The following PHACTR2 variants were observed in gnomAD, a reference collection of about 807,000 sequenced individuals.
The protein encoded by PHACTR2 is phosphatase and actin regulator 2.
In PHACTR2, 30 loss-of-function variants were observed where a neutral mutation model predicts 76.0. That is an observed-to-expected ratio of 0.39 (90% CI 0.30 to 0.54). The LOEUF (loss-of-function observed/expected upper bound fraction) is 0.54. Ranked by LOEUF, PHACTR2 falls within the 20% of genes least tolerant of loss-of-function variation. The pLI is 0.61. For missense variants in PHACTR2, 696 were observed against 781.1 expected (o/e 0.89, Z 1.30); for synonymous variants, 292 against 292.5 (o/e 1.00, Z 0.02).
intron 1 of PHACTR2, among the ~76,000 whole-genome samples, chr6:143,706,856 T>C (rs1778065131): frequency 1.3e-5 from 2 of 152,240 alleles, no homozygotes. Flanking sequence ...CACTTCACCC[T>C]GACCTCATCA....
rs545452722 is a variant in PHACTR2, at chr6:143,646,204, G to A, written c.13+37882G>A. On this transcript the variant is annotated intron_variant, in intron 1 of 11. Coordinates refer to the PHACTR2 transcript ENST00000305766. The surrounding 1 kb of genome is among the most constrained non-coding windows in gnomAD (Gnocchi z 4.1). Reference sequence around the variant, plus strand: ...GAGGTATAAATTAGGCTCAAATGGGGCCCACAAAGAGCCCCAAATCTAGGG... The same window carrying A: ...GAGGTATAAATTAGGCTCAAATGGGACCCACAAAGAGCCCCAAATCTAGGG... 4.2e-4 allele frequency among the ~76,000 whole-genome samples: 64 copies of A among 152,156 alleles called. No individual in the cohort carries two copies. Among genetic ancestry groups the A allele is most frequent in the African/African-American group, 1.4e-3 (57 of 41,512 alleles).
Position 143,822,082 on chromosome 6 carries a change from G to T in PHACTR2, c.1923-1592G>T, listed in dbSNP as rs1269248188. 1.3e-5 allele frequency among the ~76,000 whole-genome samples: 2 copies of T among 152,192 alleles called. No homozygotes were observed. Among genetic ancestry groups the T allele is most frequent in the Non-Finnish European group, 2.9e-5 (2 of 68,040 alleles). ...CTTTTTGGGGCAAGTGATTGAAATG[G>T]AGAGTATTTGGAAGCAGTGATAGAG... On this transcript the variant is annotated intron_variant, in intron 12 of 12. Coordinates refer to ENST00000440869, the MANE Select transcript of PHACTR2 (RefSeq NM_001100164.2). This position sits in a 1 kb window ranked among gnomAD's most constrained non-coding sequence, Gnocchi z 5.5.
At chr6:143,540,510 A>T (rs946605225) in intron 1 of PHACTR2, among the ~76,000 whole-genome samples, 2 of 152,162 alleles carry the variant, frequency 1.3e-5, no homozygotes, top group Non-Finnish European at 2.9e-5. Flanking sequence ...TACTAAATAT[A>T]TATTTTTAAA....
chr6:143,549,191 C>T lies in PHACTR2; in HGVS notation c.217+11984C>T, dbSNP rs1055929450. 6.6e-6 allele frequency among the ~76,000 whole-genome samples: 1 copy of T among 152,008 alleles called. No individual in the cohort carries two copies. Among genetic ancestry groups the T allele is most frequent in the Non-Finnish European group, 1.5e-5 (1 of 67,952 alleles). ...GCCCTCAGTGGTCATTTAACCAGAT[C>T]TCCTCATTCCTTCAGGAAGATTAAT... On this transcript the variant is annotated intron_variant, in intron 1 of 11. Transcript: ENST00000367584. This position sits in a 1 kb window ranked among gnomAD's most constrained non-coding sequence, Gnocchi z 4.2.
chr6:143,607,821 A>G (rs139309206), upstream of PHACTR2, among the ~76,000 whole-genome samples: 3 of 152,380 alleles, frequency 2.0e-5, no homozygotes, highest in African/African-American at 7.2e-5. Flanking sequence ...CAGTGAGGTC[A>G]ATGATAAAGG....
intron 2 of PHACTR2, among the ~76,000 whole-genome samples, chr6:143,729,549 A>G (rs1401221907): frequency 6.6e-6 from 1 of 152,130 alleles, no homozygotes; most frequent in Non-Finnish European, 1.5e-5. Context: ...GGTTTTTTGC[A>G]TGTAAATGTC....
In PHACTR2 at chr6:143,678,287, T is replaced by C; in HGVS notation, c.46+78T>C. The stretch of plus-strand genomic sequence containing the variant: ...GGCGGGGCCCCGGGGCAGGCAGGGT[T>C]AGTCGTCTGGTCGGGTTCCGCTCGG... On this transcript the variant is annotated intron_variant, in intron 1 of 12. Coordinates refer to ENST00000440869, the MANE Select transcript of PHACTR2 (RefSeq NM_001100164.2). The surrounding 1 kb of genome is among the most constrained non-coding windows in gnomAD (Gnocchi z 6.2). 1 of 1,324,620 alleles carries C rather than the reference T, an allele frequency of 7.5e-7. No individual in the cohort carries two copies. Among genetic ancestry groups the C allele is most frequent in the Non-Finnish European group, 9.8e-7 (1 of 1,017,926 alleles). 82.1% of individuals were successfully genotyped at this position (1,324,620 alleles called of 1,614,324 possible).
rs1375499229 is a variant in PHACTR2 at position 143,541,829 on chromosome 6, T to C, written c.217+4622T>C. Among the ~76,000 whole-genome samples, 1 of 152,194 alleles carries C rather than the reference T, an allele frequency of 6.6e-6. No individual in the cohort carries two copies. The highest frequency in any genetic ancestry group is 2.4e-5 in the African/African-American group (1 of 41,458). On this transcript the variant is annotated intron_variant, in intron 1 of 11. Coordinates refer to the PHACTR2 transcript ENST00000367584. This position sits in a 1 kb window ranked among gnomAD's most constrained non-coding sequence, Gnocchi z 5.3. ...CTGTTGGGGGAAGCTTGTGCTTGCT[T>C]ATCCCTTGCTGGTGCTTCTACTATG...
intron 1 of PHACTR2, among the ~76,000 whole-genome samples, chr6:143,668,619 C>T (rs1033831615): frequency 6.6e-6 from 1 of 152,118 alleles, no homozygotes; most frequent in African/African-American, 2.4e-5. Context: ...TGTATGTGTA[C>T]AGGAATTTAT....
rs1287365426 is a variant in PHACTR2 at position 143,548,575 on chromosome 6, C to A, written c.217+11368C>A. ...GCCTGGGCCAGGTAGCCATTCCTGA[C>A]ACCAGCTATATCCGTTTTGTTGGAC... On this transcript the variant is annotated intron_variant, in intron 1 of 11. Transcript: ENST00000367584. This position sits in a 1 kb window ranked among gnomAD's most constrained non-coding sequence, Gnocchi z 4.5. Among the ~76,000 whole-genome samples, 1 of 152,080 alleles carries A rather than the reference C, an allele frequency of 6.6e-6. No individual in the cohort carries two copies. Among genetic ancestry groups the A allele is most frequent in the African/African-American group, 2.4e-5 (1 of 41,440 alleles).
At position 143,557,919 on chromosome 6, in the gene PHACTR2, CTTTGT is replaced by C. The variant is rs1386386131; in HGVS notation, c.217+20721_217+20725del. 2 of 152,140 alleles carry C rather than the reference CTTTGT, an allele frequency of 1.3e-5. No individual in the cohort carries two copies. Among genetic ancestry groups the C allele is most frequent in the Admixed American group, 6.6e-5 (1 of 15,262 alleles). The allele number at this position is 152,140 out of a possible 1,614,324, so 9.4% of individuals were successfully genotyped here. A position where few individuals can be genotyped will look rare whatever the true frequency, so the allele number is the denominator to read the frequency against. On this transcript the variant is annotated intron_variant, in intron 1 of 11. Transcript: ENST00000367584. The surrounding 1 kb of genome is among the most constrained non-coding windows in gnomAD (Gnocchi z 5.5). ...GAATTGTGCTTTTTTTCCCCCTTTGCTTTGTTTTGTTTTCTCATTCCTGCCTCAGC... is the reference window on the plus strand; with the variant it reads ...GAATTGTGCTTTTTTTCCCCCTTTGCTTTGTTTTCTCATTCCTGCCTCAGC...
At position 143,753,051 on chromosome 6, in the gene PHACTR2, T is replaced by G. The variant is rs949419663; in HGVS notation, c.296-703T>G. Among the ~76,000 whole-genome samples, 3 of 151,992 alleles carry G rather than the reference T, an allele frequency of 2.0e-5. No individual in the cohort carries two copies. Among genetic ancestry groups the G allele is most frequent in the East Asian group, 1.9e-4 (1 of 5,190 alleles). The stretch of plus-strand genomic sequence containing the variant: ...TTAAAATTCCTTTGTGATTACTTTT[T>G]TATGTGTGTTTTTTTTTTCTCGAAT... On this transcript the variant is annotated intron_variant, in intron 3 of 12. Coordinates refer to ENST00000440869, the MANE Select transcript of PHACTR2 (RefSeq NM_001100164.2). This position sits in a 1 kb window ranked among gnomAD's most constrained non-coding sequence, Gnocchi z 4.6.
rs1254251707 is a variant in PHACTR2, at chr6:143,827,155, A to AAAAAATATAT, written c.*3467_*3468insAAAATATATA. On this transcript the variant is annotated 3_prime_UTR_variant, in exon 13 of 13. Transcript: ENST00000440869. ...GGGCTGCGTTGGCATTAAAAAAGAA[A>AAAAAATATAT]ATATATATATATATATATATATATA... is the stretch of plus-strand genomic sequence containing the variant. 2.6e-5 allele frequency: 2 copies of AAAAAATATAT among 77,232 alleles called. No homozygotes were observed. The allele number at this position is 77,232 out of a possible 1,614,324, so 4.8% of individuals were successfully genotyped here. A position where few individuals can be genotyped will look rare whatever the true frequency, so the allele number is the denominator to read the frequency against.
Position 143,610,679 on chromosome 6 carries a change from G to A in PHACTR2, c.13+2357G>A, listed in dbSNP as rs1775961390. 6.6e-6 allele frequency among the ~76,000 whole-genome samples: 1 copy of A among 152,182 alleles called. No individual in the cohort carries two copies. Among genetic ancestry groups the A allele is most frequent in the African/African-American group, 2.4e-5 (1 of 41,436 alleles). ...TGGGACTCCGGCCCTTTTGGTGGGT[G>A]TGTGTACATTTCAGCTATCATGGCA... is the stretch of plus-strand genomic sequence containing the variant. On this transcript the variant is annotated intron_variant, in intron 1 of 11. Transcript: ENST00000305766. This position sits in a 1 kb window ranked among gnomAD's most constrained non-coding sequence, Gnocchi z 4.9.
intron 2 of PHACTR2, among the ~76,000 whole-genome samples, chr6:143,748,209 G>C (rs1157849333): frequency 6.6e-6 from 1 of 152,178 alleles, no homozygotes; most frequent in African/African-American, 2.4e-5. Flanking sequence ...GGGGTTACAG[G>C]TGCCCACCAC....
chr6:143,817,164 A>G (rs1025134522), intron 12 of PHACTR2, among the ~76,000 whole-genome samples: 1 of 150,886 alleles, frequency 6.6e-6, no homozygotes, highest in Non-Finnish European at 1.5e-5. Context: ...TCCCACAGAC[A>G]TTACCAATGG....
rs183913600 is a variant in PHACTR2, at chr6:143,787,101, C to T, written c.1708-1672C>T. 2.3e-3 allele frequency among the ~76,000 whole-genome samples: 346 copies of T among 152,302 alleles called. 1 individual carries two copies. The highest frequency in any genetic ancestry group is 3.9e-3 in the Non-Finnish European group (267 of 68,026). ...ATCATCTTTCTCAATCCAGCTGGGC[C>T]CCTCCATGAGGCAGCAGTGCCAGCC... On this transcript the variant is annotated intron_variant, in intron 10 of 12. Coordinates refer to ENST00000440869, the MANE Select transcript of PHACTR2 (RefSeq NM_001100164.2). This position sits in a 1 kb window ranked among gnomAD's most constrained non-coding sequence, Gnocchi z 4.6.
intron 1 of PHACTR2, among the ~76,000 whole-genome samples, chr6:143,693,277 A>G (rs1328217731): frequency 6.6e-6 from 1 of 151,932 alleles, no homozygotes; most frequent in Non-Finnish European, 1.5e-5. Flanking sequence ...TTACTCCATC[A>G]CCCAGGCTGG....
At chr6:143,582,067 A>C (rs1363463283) in intron 1 of PHACTR2, among the ~76,000 whole-genome samples, 1 of 152,206 alleles carries the variant, frequency 6.6e-6, no homozygotes. Flanking sequence ...ATAAAAATTC[A>C]TAACCATAGT....
Sources: gnomAD v4.1 joint callset for allele counts (sites outside exome capture counted in the v4.1 genomes callset) on GRCh38, gnomAD v4.1.1 for gene constraint, Gnocchi (gnomAD v3.1) non-coding constraint, MANE v1.5 for transcripts, NCBI Gene and HGNC (gene_info 2026-07-23, HGNC 2026-07-21) for gene names.